ATP2B2: variants seen among roughly 807,000 people sequenced by gnomAD.
The protein encoded by ATP2B2 is ATPase plasma membrane Ca2+ transporting 2.
ATP2B2 carries 15 observed loss-of-function variants against 120.0 expected under a neutral mutation model. The ratio of observed to expected loss-of-function variants is 0.12; its 90% CI spans 0.08 to 0.19. ATP2B2 has a LOEUF of 0.19. ATP2B2 is among the 10% of genes least tolerant of loss of function. The pLI, the probability that ATP2B2 is intolerant of heterozygous loss-of-function variation, is 1.00. For missense variants in ATP2B2, 1,045 were observed against 1,719.8 expected, an observed-to-expected ratio of 0.61 and a Z score of 6.94; for synonymous variants, 694 against 700.3, an observed-to-expected ratio of 0.99 and a Z score of 0.14.
intron 2 of ATP2B2, among the ~76,000 whole-genome samples, chr3:10,594,332 G>T (rs2068711874): frequency 6.6e-6 from 1 of 152,124 alleles, no homozygotes. Flanking sequence ...GCCCAAAAAT[G>T]ATAGGCTGGA....
intron 2 of ATP2B2, among the ~76,000 whole-genome samples, chr3:10,585,801 C>A (rs141414493): frequency 3.4e-4 from 52 of 152,260 alleles, no homozygotes; most frequent in African/African-American, 1.1e-3. Flanking sequence ...CTTTTCCCCT[C>A]GTCATTTTCC....
chr3:10,640,428 G>C (rs2125650576), intron 1 of ATP2B2, among the ~76,000 whole-genome samples: 1 of 152,302 alleles, frequency 6.6e-6, no homozygotes, highest in Admixed American at 6.5e-5. Flanking sequence ...TACTGCAGAG[G>C]GGGCACTGGA....
At chr3:10,366,676 C>G (rs913970760) in intron 12 of ATP2B2, among the ~76,000 whole-genome samples, 6 of 152,142 alleles carry the variant, frequency 3.9e-5, no homozygotes, top group African/African-American at 1.4e-4. Context: ...ATGGGCAGAA[C>G]AGGGGGATGT....
In ATP2B2 at chr3:10,515,897, T is replaced by C. The variant is rs537521308; in HGVS notation, c.-320+18142A>G. On this transcript the variant is annotated intron_variant, in intron 3 of 21. Coordinates refer to the ATP2B2 transcript ENST00000646379. ...AACTACCTGTAAGCCCCTTCTCTTTTCCCTTGAAACAAGCAGGACGTAAGT... is the reference window on the plus strand; with the variant it reads ...AACTACCTGTAAGCCCCTTCTCTTTCCCCTTGAAACAAGCAGGACGTAAGT... Among the ~76,000 whole-genome samples the C allele has an allele frequency of 3.3e-5, 5 of 152,200 alleles. No individual in the cohort carries two copies. In the South Asian group the frequency reaches 1.0e-3, roughly 32 times the overall value.
chr3:10,628,197 T>C (rs998799463), intron 1 of ATP2B2, among the ~76,000 whole-genome samples: 1 of 152,242 alleles, frequency 6.6e-6, no homozygotes, highest in Non-Finnish European at 1.5e-5. Context: ...GCCAGGGCTT[T>C]GGACTTTCTC....
chr3:10,623,669 G>A (rs146835146), intron 1 of ATP2B2, among the ~76,000 whole-genome samples: 58 of 152,278 alleles, frequency 3.8e-4, no homozygotes, highest in Non-Finnish European at 6.9e-4. Flanking sequence ...GTGACAATGA[G>A]GTTCCAGTAT....
intron 2 of ATP2B2, among the ~76,000 whole-genome samples, chr3:10,555,216 A>G (rs142057346): frequency 6.6e-6 from 1 of 152,350 alleles, no homozygotes; most frequent in African/African-American, 2.4e-5. Flanking sequence ...GATTTCTCTC[A>G]GCCAGGCCCA....
chr3:10,645,571 C>G (rs1342210401), intron 1 of ATP2B2, among the ~76,000 whole-genome samples: 3 of 152,134 alleles, frequency 2.0e-5, no homozygotes, highest in Non-Finnish European at 1.5e-5. Context: ...TTAAAGGACA[C>G]AGGAGTTCTT....
At chr3:10,396,196 C>T (rs1040574109) in intron 5 of ATP2B2, among the ~76,000 whole-genome samples, 1 of 152,260 alleles carries the variant, frequency 6.6e-6, no homozygotes, top group Admixed American at 6.5e-5. Flanking sequence ...ATTCCTTCCA[C>T]ACCATACAGC....
chr3:10,450,358 C>T (rs1559353898), intron 1 of ATP2B2, among the ~76,000 whole-genome samples: 2 of 152,072 alleles, frequency 1.3e-5, no homozygotes, highest in Admixed American at 1.3e-4. Flanking sequence ...CATGTTTACA[C>T]ACGCCCCATG....
At chr3:10,606,910 CACAGAGAGAGAGAG>C (rs1376715681) in intron 2 of ATP2B2, among the ~76,000 whole-genome samples, 3 of 46,078 alleles carry the variant, frequency 6.5e-5, no homozygotes, top group South Asian at 1.8e-3. Context: ...CACACACACA[CACAGAGAGAGAGAG>C]AGAGAGAGAG....
intron 3 of ATP2B2, among the ~76,000 whole-genome samples, chr3:10,527,998 G>T (rs1358742577): frequency 2.0e-5 from 3 of 152,176 alleles, no homozygotes; most frequent in East Asian, 1.9e-4. Context: ...GGCCACTAAG[G>T]TCTGTGGGCT....
intron 8 of ATP2B2, among the ~76,000 whole-genome samples, 165 bp from the exon 9 acceptor site, chr3:10,379,449 G>A (rs1426290835): frequency 1.9e-4 from 29 of 152,214 alleles, no homozygotes; most frequent in Admixed American, 1.9e-3. Flanking sequence ...CCTGAAGCAG[G>A]AGCAGGCCTG....
chr3:10,372,533 T>C (rs1159746615), intron 11 of ATP2B2, among the ~76,000 whole-genome samples: 8 of 152,204 alleles, frequency 5.3e-5, no homozygotes, highest in African/African-American at 1.9e-4. Flanking sequence ...CAGGAAAATA[T>C]CTGGAAAAAT....
intron 2 of ATP2B2, among the ~76,000 whole-genome samples, chr3:10,561,702 T>G (rs147048569): frequency 6.6e-6 from 1 of 152,348 alleles, no homozygotes; most frequent in African/African-American, 2.4e-5. Context: ...CAAGATCTGA[T>G]GGTTTTATAA....
At chr3:10,541,678 T>A (rs1177372732) in intron 2 of ATP2B2, among the ~76,000 whole-genome samples, 2 of 152,188 alleles carry the variant, frequency 1.3e-5, no homozygotes, top group Non-Finnish European at 2.9e-5. Context: ...TGTTTTATGA[T>A]CCAGGATATG....
Position 10,705,808 on chromosome 3 carries a change from G to A in ATP2B2, c.-460+2107C>T, listed in dbSNP as rs148574780. ...ACTGGTATATAAACTCCACAAGGTT[G>A]CAGAGTGGCCCTGCAGCCCAGTGTG... On this transcript the variant is annotated intron_variant, in intron 1 of 21. Transcript: ENST00000646379. Among the ~76,000 whole-genome samples, 535 of 152,348 alleles carry A rather than the reference G, an allele frequency of 3.5e-3. 2 individuals carry two copies. Among genetic ancestry groups the A allele is most frequent in the Middle Eastern group, 0.024 (7 of 294 alleles).
intron 1 of ATP2B2, among the ~76,000 whole-genome samples, chr3:10,705,227 C>G (rs1381690022): frequency 6.6e-6 from 1 of 152,208 alleles, no homozygotes; most frequent in Non-Finnish European, 1.5e-5. Flanking sequence ...CAGAACTTAC[C>G]ATGTCCCATA....
At chr3:10,405,499 C>T (rs924136230) in intron 3 of ATP2B2, among the ~76,000 whole-genome samples, 28 of 152,158 alleles carry the variant, frequency 1.8e-4, no homozygotes, top group Admixed American at 1.8e-3. Flanking sequence ...GGAACAACTC[C>T]TGCTGCCCCT....
Sources: allele counts gnomAD v4.1 joint callset (sites outside exome capture counted in the v4.1 genomes callset), GRCh38; gene constraint gnomAD v4.1.1; transcripts MANE v1.5; gene names NCBI Gene and HGNC (gene_info 2026-07-23, HGNC 2026-07-21).